Variants in MTOR observed in about 807,000 individuals in gnomAD.
The protein encoded by MTOR is mechanistic target of rapamycin kinase, also known as serine/threonine-protein kinase mTOR.
Under a neutral mutation model 319.8 loss-of-function variants are expected in MTOR, and 70 were observed. That is an observed-to-expected ratio of 0.22 (90% CI 0.18 to 0.27). The LOEUF (loss-of-function observed/expected upper bound fraction) is 0.27. Ranked by LOEUF, MTOR falls within the 10% of genes least tolerant of loss-of-function variation. The pLI is 1.00. For missense variants in MTOR, 1,890 were observed against 3,274.4 expected (o/e 0.58, Z 10.32); for synonymous variants, 1,183 against 1,211.4 (o/e 0.98, Z 0.49).
intron 6 of MTOR, among the ~76,000 whole-genome samples, chr1:11,251,263 G>C (rs1040196579): frequency 1.3e-5 from 2 of 152,078 alleles, no homozygotes; most frequent in Non-Finnish European, 2.9e-5. Context: ...AGTATTTGCT[G>C]CTCCTCTAAT....
At chr1:11,146,254 T>C (rs997845256) in intron 32 of MTOR, among the ~76,000 whole-genome samples, 1 of 152,202 alleles carries the variant, frequency 6.6e-6, no homozygotes, top group South Asian at 2.1e-4. Flanking sequence ...AGCATACTAT[T>C]TGCAAGTAAG....
At chr1:11,112,814 G>A (rs777318576) in intron 54 of MTOR, 38 bp downstream of exon 54, 1 of 1,606,340 alleles carries the variant, frequency 6.2e-7, no homozygotes, top group Admixed American at 1.7e-5. Context: ...CTCTGCACAA[G>A]GGGGAGAGCC....
intron 13 of MTOR, among the ~76,000 whole-genome samples, chr1:11,235,257 A>T (rs1647161358): frequency 6.6e-6 from 1 of 152,188 alleles, no homozygotes; most frequent in Admixed American, 6.5e-5. Context: ...GTTCACTTAG[A>T]GCCCGAGAGC....
At chr1:11,225,290 T>TG (rs1646794445) in intron 19 of MTOR, among the ~76,000 whole-genome samples, 1 of 152,130 alleles carries the variant, frequency 6.6e-6, no homozygotes, top group African/African-American at 2.4e-5. Context: ...AGTTAATACT[T>TG]GGAGTGAAAT....
At position 11,127,972 on chromosome 1, in the gene MTOR, G is replaced by T. The variant is rs1642925994; in HGVS notation, c.6033+32C>A. 1 of 1,612,306 alleles carries T rather than the reference G, an allele frequency of 6.2e-7. No homozygotes were observed. The highest frequency in any genetic ancestry group is 1.3e-5 in the African/African-American group (1 of 75,000). On this transcript the variant is annotated intron_variant, in intron 43 of 57. Coordinates refer to ENST00000361445, the MANE Select transcript of MTOR (RefSeq NM_004958.4). This position sits in a 1 kb window ranked among gnomAD's most constrained non-coding sequence, Gnocchi z 5.5. ...TGCGCCCACCAGCTAAGGGACCAGG[G>T]TCTATGAAGCCCCACAGTGGCTCCG...
intron 36 of MTOR, 152 bp downstream of exon 36, chr1:11,139,152 C>A (rs1643568932): frequency 9.3e-7 from 1 of 1,072,304 alleles, no homozygotes; most frequent in African/African-American, 1.6e-5. Context: ...TGAAATCAGG[C>A]CAAATAGCTT....
At chr1:11,242,968 A>G in intron 9 of MTOR, 146 bp downstream of exon 9, 1 of 753,166 alleles carries the variant, frequency 1.3e-6, no homozygotes, top group Non-Finnish European at 2.1e-6. Flanking sequence ...GAATTCAACT[A>G]AGGAAGGGCT....
chr1:11,238,343 C>A (rs1569742063), intron 12 of MTOR, 59 bp downstream of exon 12: 1 of 1,551,556 alleles, frequency 6.4e-7, no homozygotes. Context: ...AAACTGGCTA[C>A]TCCCAATTGT....
At chr1:11,149,099 G>A (rs1644046975) in intron 31 of MTOR, among the ~76,000 whole-genome samples, 3 of 152,082 alleles carry the variant, frequency 2.0e-5, no homozygotes, top group African/African-American at 7.2e-5. Context: ...CAACTGAAGA[G>A]GTAAATGGAG....
intron 49 of MTOR, among the ~76,000 whole-genome samples, chr1:11,117,309 C>T (rs546322517): frequency 1.3e-5 from 2 of 152,096 alleles, no homozygotes; most frequent in Non-Finnish European, 2.9e-5. Flanking sequence ...TACAGGCACC[C>T]GCCACCATGC....
chr1:11,183,781 T>C (rs2100676423), intron 28 of MTOR, among the ~76,000 whole-genome samples: 1 of 152,168 alleles, frequency 6.6e-6, no homozygotes, highest in East Asian at 1.9e-4. Flanking sequence ...GAGGTAACGA[T>C]CAACAGTCTT....
At chr1:11,247,083 A>C (rs1648942298) in intron 8 of MTOR, among the ~76,000 whole-genome samples, 1 of 152,212 alleles carries the variant, frequency 6.6e-6, no homozygotes, top group Non-Finnish European at 1.5e-5. Context: ...GGTTCATCTC[A>C]GGTCTGATGC....
At chr1:11,146,616 G>T in intron 32 of MTOR, 60 bp downstream of exon 32, 1 of 1,324,074 alleles carries the variant, frequency 7.6e-7, no homozygotes, top group Non-Finnish European at 1.1e-6. Context: ...AAGCACCGTG[G>T]GCTTAGAAGC....
At chr1:11,193,678 G>A (rs1645650651) in intron 28 of MTOR, 1 of 1,614,140 alleles carries the variant, frequency 6.2e-7, no homozygotes, top group Non-Finnish European at 8.5e-7. Flanking sequence ...AGCAGTACAA[G>A]CAGGGCTTTG....
intron 49 of MTOR, among the ~76,000 whole-genome samples, chr1:11,118,112 A>G (rs1382032506): frequency 6.6e-6 from 1 of 152,062 alleles, no homozygotes; most frequent in Non-Finnish European, 1.5e-5. Context: ...TCAGTGTTCA[A>G]TAAAAACAAA....
intron 46 of MTOR, among the ~76,000 whole-genome samples, 190 bp from the exon 47 acceptor site, chr1:11,124,823 C>T (rs1250631589): frequency 6.6e-6 from 1 of 152,182 alleles, no homozygotes; most frequent in Non-Finnish European, 1.5e-5. Context: ...TCTCAATGAC[C>T]AGTGTTGTTC....
At chr1:11,239,989 C>T (rs1647790321) in intron 11 of MTOR, among the ~76,000 whole-genome samples, 1 of 151,820 alleles carries the variant, frequency 6.6e-6, no homozygotes, top group African/African-American at 2.4e-5. Context: ...CATTTTAAAG[C>T]ATTACATACC....
chr1:11,164,479 A>G (rs1644580112), intron 29 of MTOR, among the ~76,000 whole-genome samples: 1 of 152,204 alleles, frequency 6.6e-6, no homozygotes, highest in African/African-American at 2.4e-5. Context: ...CAACACAAAT[A>G]AACTAGAAAA....
At chr1:11,228,382 T>C (rs1331595255) in intron 19 of MTOR, among the ~76,000 whole-genome samples, 1 of 151,954 alleles carries the variant, frequency 6.6e-6, no homozygotes, top group Non-Finnish European at 1.5e-5. Flanking sequence ...AGAGACGGGG[T>C]TTCACCATGT....
Sources: gnomAD v4.1 joint callset for allele counts (sites outside exome capture counted in the v4.1 genomes callset) on GRCh38, gnomAD v4.1.1 for gene constraint, Gnocchi (gnomAD v3.1) non-coding constraint, MANE v1.5 for transcripts, NCBI Gene and HGNC (gene_info 2026-07-23, HGNC 2026-07-21) for gene names.